The following SEMA3C variants were observed in gnomAD, a reference collection of about 807,000 sequenced individuals.
SEMA3C encodes the protein semaphorin-3C.
A neutral mutation model predicts 89.4 loss-of-function variants in SEMA3C; 47 were observed. The ratio of observed to expected loss-of-function variants is 0.53; its 90% CI spans 0.42 to 0.67. The LOEUF (loss-of-function observed/expected upper bound fraction) is 0.67. SEMA3C is among the 30% of genes least tolerant of loss of function. The pLI, the probability that SEMA3C is intolerant of heterozygous loss-of-function variation, is 0.00. For missense variants in SEMA3C, 839 were observed against 929.1 expected (o/e 0.90, Z 1.26); for synonymous variants, 310 against 320.2 (o/e 0.97, Z 0.34).
In SEMA3C at chr7:80,746,718, G is replaced by GGT. The variant is rs5885196; in HGVS notation, c.1843-1413_1843-1412dup. Among the ~76,000 whole-genome samples the GGT allele has an allele frequency of 2.3e-3, 328 of 143,024 alleles. 2 individuals are homozygous for GGT. The highest frequency in any genetic ancestry group is 8.1e-3 in the African/African-American group (317 of 38,898). The allele number at this position is 143,024 out of a possible 152,430, so 93.8% of individuals were successfully genotyped here. A position where few individuals can be genotyped will look rare whatever the true frequency, so the allele number is the denominator to read the frequency against. On this transcript the variant is annotated intron_variant, in intron 17 of 17. Coordinates refer to ENST00000265361, the MANE Select transcript of SEMA3C (RefSeq NM_006379.5). The stretch of plus-strand genomic sequence containing the variant: ...ATCACATGTACTGATATTGAAGTGG[G>GGT]GTGTGTGTGTGTGTGTGTGTGTGTG...
chr7:80,809,938 A>T (rs1410823618), intron 6 of SEMA3C, among the ~76,000 whole-genome samples: 2 of 152,048 alleles, frequency 1.3e-5, no homozygotes, highest in East Asian at 3.9e-4. Context: ...TAGAAAGGTT[A>T]ATTATCAGGG....
chr7:80,770,708 G>A (rs1463265984), intron 12 of SEMA3C, among the ~76,000 whole-genome samples: 3 of 152,178 alleles, frequency 2.0e-5, no homozygotes, highest in Admixed American at 6.5e-5. Context: ...GCTCCAGGGA[G>A]GCCCACATGA....
chr7:80,821,104 C>A (rs1789736465), intron 4 of SEMA3C, among the ~76,000 whole-genome samples: 1 of 152,104 alleles, frequency 6.6e-6, no homozygotes, highest in Non-Finnish European at 1.5e-5. Context: ...TTATTACATC[C>A]TAGACTGTGA....
intron 11 of SEMA3C, among the ~76,000 whole-genome samples, chr7:80,794,571 T>C (rs1789018159): frequency 1.3e-5 from 2 of 152,158 alleles, no homozygotes; most frequent in African/African-American, 2.4e-5. Context: ...ATGTGGCTCA[T>C]CAATTTTCTG....
intron 2 of SEMA3C, among the ~76,000 whole-genome samples, chr7:80,859,339 T>C (rs564108688): frequency 9.9e-4 from 151 of 152,178 alleles, no homozygotes; most frequent in Non-Finnish European, 1.4e-3. Flanking sequence ...ACAAGTATAT[T>C]ATCAAGTTTT....
intron 2 of SEMA3C, among the ~76,000 whole-genome samples, chr7:80,881,285 A>G (rs2116100223): frequency 6.6e-6 from 1 of 152,110 alleles, no homozygotes; most frequent in South Asian, 2.1e-4. Context: ...CTTCCAAATG[A>G]ATCTCAAATA....
intron 8 of SEMA3C, 110 bp downstream of exon 8, chr7:80,803,996 C>T (rs547975644): frequency 3.4e-6 from 3 of 895,316 alleles, no homozygotes; most frequent in East Asian, 2.8e-5. Flanking sequence ...ACATTAAATG[C>T]TTCCCTCAAT....
intron 2 of SEMA3C, among the ~76,000 whole-genome samples, chr7:80,873,195 G>A (rs557907884): frequency 1.3e-5 from 2 of 152,296 alleles, no homozygotes; most frequent in East Asian, 3.9e-4. Context: ...TGGAAAAATG[G>A]AGAACTTGAA....
intron 5 of SEMA3C, among the ~76,000 whole-genome samples, chr7:80,812,578 C>G (rs2115726138): frequency 6.6e-6 from 1 of 152,148 alleles, no homozygotes; most frequent in East Asian, 1.9e-4. Flanking sequence ...GTTTAGGTAC[C>G]ATTTGCTCTC....
chr7:80,807,085 T>C (rs1282340087), intron 6 of SEMA3C, among the ~76,000 whole-genome samples: 1 of 152,162 alleles, frequency 6.6e-6, no homozygotes, highest in African/African-American at 2.4e-5. Flanking sequence ...TTTTTTTCTT[T>C]ACCATTTTAG....
chr7:80,871,440 C>G (rs948834059), intron 2 of SEMA3C, among the ~76,000 whole-genome samples: 4 of 152,148 alleles, frequency 2.6e-5, no homozygotes, highest in African/African-American at 7.2e-5. Flanking sequence ...AAATATAACT[C>G]CCATTCAAAC....
intron 2 of SEMA3C, among the ~76,000 whole-genome samples, chr7:80,849,758 T>C (rs1790469499): frequency 1.3e-5 from 2 of 152,254 alleles, no homozygotes; most frequent in South Asian, 2.1e-4. Flanking sequence ...GTTTCTTAAA[T>C]AGGGCAAAGA....
intron 11 of SEMA3C, among the ~76,000 whole-genome samples, chr7:80,796,092 A>C (rs914488558): frequency 2.0e-5 from 3 of 152,282 alleles, no homozygotes; most frequent in Admixed American, 6.5e-5. Flanking sequence ...TTGCAAATCA[A>C]CTGCTCCTGT....
chr7:80,808,695 C>T (rs1261883128), intron 6 of SEMA3C, among the ~76,000 whole-genome samples: 2 of 151,982 alleles, frequency 1.3e-5, no homozygotes, highest in Admixed American at 6.5e-5. Flanking sequence ...TTAATGCTGG[C>T]AATACATTAA....
chr7:80,797,825 C>G, intron 11 of SEMA3C, among the ~76,000 whole-genome samples: 1 of 152,138 alleles, frequency 6.6e-6, no homozygotes, highest in East Asian at 1.9e-4. Context: ...TGGTGAAACC[C>G]TGTCTCTACT....
At chr7:80,830,048 G>T (rs1053745232) in intron 2 of SEMA3C, among the ~76,000 whole-genome samples, 1 of 152,146 alleles carries the variant, frequency 6.6e-6, no homozygotes, top group Non-Finnish European at 1.5e-5. Context: ...TATTCCATGA[G>T]TACTTGGGCC....
intron 2 of SEMA3C, among the ~76,000 whole-genome samples, chr7:80,857,727 G>A (rs1790674194): frequency 6.6e-6 from 1 of 152,018 alleles, no homozygotes; most frequent in Non-Finnish European, 1.5e-5. Flanking sequence ...GTAATATTGG[G>A]GAAAATAGTT....
chr7:80,775,892 A>T (rs1788538359), intron 12 of SEMA3C, among the ~76,000 whole-genome samples: 1 of 152,074 alleles, frequency 6.6e-6, no homozygotes, highest in Non-Finnish European at 1.5e-5. Context: ...TTTAAAAAAA[A>T]TTATTTTCTA....
chr7:80,793,548 T>C, intron 11 of SEMA3C: 1 of 423,794 alleles, frequency 2.4e-6, no homozygotes, highest in Non-Finnish European at 4.6e-6. Context: ...TGACAAAAAG[T>C]AATAATTTGA....
Sources: allele counts gnomAD v4.1 joint callset (sites outside exome capture counted in the v4.1 genomes callset), GRCh38; gene constraint gnomAD v4.1.1; transcripts MANE v1.5; gene names NCBI Gene and HGNC (gene_info 2026-07-23, HGNC 2026-07-21).